Variants in SIPA1L3 observed in about 807,000 individuals in gnomAD.
SIPA1L3 encodes the protein signal-induced proliferation-associated 1-like protein 3.
A neutral mutation model predicts 150.1 loss-of-function variants in SIPA1L3; 59 were observed. The observed-to-expected ratio is 0.39, with a 90% CI of 0.32 to 0.49. SIPA1L3 has a LOEUF of 0.49. Among genes scored for constraint, SIPA1L3 ranks in the 20% least tolerant of loss-of-function variants. The probability of loss-of-function intolerance (pLI) is 0.86; values close to 1 mark genes in which losing one functional copy is unlikely to be tolerated. For missense variants in SIPA1L3, 2,211 were observed against 2,489.5 expected, an observed-to-expected ratio of 0.89 and a Z score of 2.38; for synonymous variants, 1,070 against 1,077.6, an observed-to-expected ratio of 0.99 and a Z score of 0.14.
chr19:38,000,954 CATATAACACAT>C (rs1967786075), intron 1 of SIPA1L3, among the ~76,000 whole-genome samples: 1 of 67,878 alleles, frequency 1.5e-5, no homozygotes, highest in Non-Finnish European at 2.9e-5. Context: ...ATATAACACA[CATATAACACAT>C]ATATAACATA....
rs767998099 is a variant in SIPA1L3 at position 38,152,853 on chromosome 19, C to T, written c.3547C>T (p.Pro1183Ser). The change falls in exon 13 of 22, where the codon CCA (proline) becomes TCA (serine). Residue 1183 changes from proline (P) to serine (S), a missense_variant. Coordinates refer to ENST00000222345, the MANE Select transcript of SIPA1L3 (RefSeq NM_015073.3). ...KPSPERYTAA[P>S]HPLLSLDPHF... ...CATCCCCTGCAGGTACACGGCTGCC[C>T]CACACCCCCTGCTATCTCTTGATCC... 32 of 1,612,226 alleles carry T rather than the reference C, an allele frequency of 2.0e-5. No homozygotes were observed. The highest frequency in any genetic ancestry group is 2.7e-5 in the Non-Finnish European group (32 of 1,179,078).
chr19:38,105,700 CTTTCA>C (rs762507398), intron 6 of SIPA1L3, among the ~76,000 whole-genome samples: 7 of 152,212 alleles, frequency 4.6e-5, no homozygotes, highest in Non-Finnish European at 1.0e-4. Context: ...GTGTCAGCAT[CTTTCA>C]CTCAACATTT....
intron 2 of SIPA1L3, among the ~76,000 whole-genome samples, chr19:38,030,928 C>T (rs1273682655): frequency 6.6e-6 from 1 of 151,866 alleles, no homozygotes; most frequent in Non-Finnish European, 1.5e-5. Flanking sequence ...GCATTCAGAC[C>T]CTGGATGCAG....
At chr19:38,120,799 C>T (rs1970997677) in intron 9 of SIPA1L3, among the ~76,000 whole-genome samples, 1 of 152,232 alleles carries the variant, frequency 6.6e-6, no homozygotes, top group African/African-American at 2.4e-5. Context: ...GAGAAGTACT[C>T]AGGCCCCATC....
At chr19:38,062,545 ACCACAGGGCAGGATGC>A (rs1183730216) in intron 2 of SIPA1L3, among the ~76,000 whole-genome samples, 1 of 152,090 alleles carries the variant, frequency 6.6e-6, no homozygotes, top group African/African-American at 2.4e-5. Context: ...AGGGAGCTTG[ACCACAGGGCAGGATGC>A]CCACTTGGGC....
At chr19:38,203,041 G>A (rs890921493) in intron 20 of SIPA1L3, among the ~76,000 whole-genome samples, 3 of 152,212 alleles carry the variant, frequency 2.0e-5, no homozygotes, top group Admixed American at 2.0e-4. Context: ...TCACGGTTCA[G>A]GGTTCTATAT....
intron 1 of SIPA1L3, among the ~76,000 whole-genome samples, chr19:37,935,323 G>C (rs2145508942): frequency 6.6e-6 from 1 of 152,324 alleles, no homozygotes; most frequent in East Asian, 1.9e-4. Flanking sequence ...TTGGAAATCA[G>C]AATGTGCAAG....
chr19:38,107,030 G>T (rs1223403523), intron 7 of SIPA1L3, among the ~76,000 whole-genome samples: 4 of 152,158 alleles, frequency 2.6e-5, no homozygotes, highest in Non-Finnish European at 5.9e-5. Context: ...TTGTAGAGAG[G>T]GCTGGCCTCA....
At chr19:38,198,315 T>C (rs1973010563) in intron 18 of SIPA1L3, 74 bp from the exon 19 acceptor site, 2 of 1,407,578 alleles carry the variant, frequency 1.4e-6, no homozygotes, top group East Asian at 2.7e-5. Context: ...GCATAAGCAA[T>C]GGGATGTCTT....
Position 38,081,989 on chromosome 19 carries a change from T to G in SIPA1L3, c.424T>G (p.Ser142Ala). ...AGGGTCCAAAGCCTTCCACCGACTC[T>G]CCAGGAGAAGGTCCAAAGACGTGGA... ...SSGSKAFHRL[S>A]RRRSKDVEFQ... Residue 142 changes from serine to alanine, a missense_variant, in exon 3 of 22, where the codon TCC (serine) becomes GCC (alanine). Ser to Ala is a moderately conservative substitution (Grantham distance 99). This residue lies in a region of SIPA1L3 where 587 missense variants were observed against 534.5 expected (regional missense o/e 1.10). Transcript: ENST00000222345. 1 of 1,614,052 alleles carries G rather than the reference T, an allele frequency of 6.2e-7. No homozygotes were observed. The highest frequency in any genetic ancestry group is 8.5e-7 in the Non-Finnish European group (1 of 1,179,978).
At chr19:37,940,393 T>C (rs2046643531) in intron 1 of SIPA1L3, among the ~76,000 whole-genome samples, 1 of 152,196 alleles carries the variant, frequency 6.6e-6, no homozygotes, top group Non-Finnish European at 1.5e-5. Flanking sequence ...TACTGTATTA[T>C]TTTAACGCTA....
At chr19:38,045,752 G>C (rs549219508) in intron 2 of SIPA1L3, among the ~76,000 whole-genome samples, 2 of 152,230 alleles carry the variant, frequency 1.3e-5, no homozygotes, top group East Asian at 3.9e-4. Context: ...TGGGCTGGAG[G>C]CTGGGGCATT....
At chr19:38,178,520 G>A (rs1972492622) in intron 15 of SIPA1L3, among the ~76,000 whole-genome samples, 1 of 152,122 alleles carries the variant, frequency 6.6e-6, no homozygotes, top group East Asian at 1.9e-4. Context: ...CTGTCGCCCA[G>A]GCTGGAGTGC....
At chr19:38,132,182 G>A (rs67910767) in intron 10 of SIPA1L3, among the ~76,000 whole-genome samples, 60,846 of 152,016 alleles carry the variant, frequency 0.4, 12,622 homozygotes, top group East Asian at 0.62. Flanking sequence ...GAGGCTGCAG[G>A]GAGCCATGAT....
At chr19:37,945,413 T>A (rs1353210332) in intron 1 of SIPA1L3, among the ~76,000 whole-genome samples, 2 of 152,134 alleles carry the variant, frequency 1.3e-5, no homozygotes, top group East Asian at 3.9e-4. Flanking sequence ...TTTTTTTGTA[T>A]TTTTTGTAGA....
At position 37,962,327 on chromosome 19, in the gene SIPA1L3, A is replaced by G. The variant is rs376253943; in HGVS notation, c.-379+54969A>G. On this transcript the variant is annotated intron_variant, in intron 1 of 21. Coordinates refer to ENST00000222345, the MANE Select transcript of SIPA1L3 (RefSeq NM_015073.3). ...CCTGGCTGATTTTTGTATTTTTACT[A>G]GAGATGGGGTTTCCCCATGTTGGCC... Among the ~76,000 whole-genome samples the G allele has an allele frequency of 2.2e-3, 330 of 152,132 alleles. 1 individual carries two copies. Among genetic ancestry groups the G allele is most frequent in the African/African-American group, 7.5e-3 (313 of 41,518 alleles).
intron 1 of SIPA1L3, among the ~76,000 whole-genome samples, chr19:37,962,284 C>A (rs929425166): frequency 4.0e-5 from 6 of 151,230 alleles, no homozygotes; most frequent in African/African-American, 1.5e-4. Context: ...GCTGGGATTG[C>A]AGGCCTGCGC....
chr19:38,152,324 A>C (rs546552994), intron 12 of SIPA1L3, among the ~76,000 whole-genome samples: 2 of 152,296 alleles, frequency 1.3e-5, no homozygotes, highest in African/African-American at 4.8e-5. Context: ...AAGGAAACTG[A>C]GGCTGTGGGC....
intron 2 of SIPA1L3, among the ~76,000 whole-genome samples, chr19:38,051,050 T>C (rs1725463): frequency 0.4 from 61,459 of 151,962 alleles, 13,992 homozygotes; most frequent in African/African-American, 0.62. Context: ...CAGAGCTAGA[T>C]TCTGTCTTAA....
Sources: allele counts gnomAD v4.1 joint callset (sites outside exome capture counted in the v4.1 genomes callset), GRCh38; gene constraint gnomAD v4.1.1; regional missense constraint gnomAD v4.1.1; transcripts MANE v1.5; gene names NCBI Gene and HGNC (gene_info 2026-07-23, HGNC 2026-07-21).